The following NAALADL2 variants were observed in gnomAD, a reference collection of about 807,000 sequenced individuals.
NAALADL2 encodes N-acetylated alpha-linked acidic dipeptidase like 2, also known as inactive N-acetylated-alpha-linked acidic dipeptidase-like protein 2.
Under a neutral mutation model 87.2 loss-of-function variants are expected in NAALADL2, and 76 were observed. The ratio of observed to expected loss-of-function variants is 0.87; its 90% confidence interval spans 0.72 to 1.05. The LOEUF is 1.05. NAALADL2 is among the 50% of genes least tolerant of loss of function. NAALADL2 has a pLI of 0.00. For missense variants in NAALADL2, 1,089 were observed against 945.8 expected, an observed-to-expected ratio of 1.15 and a Z score of -1.99; for synonymous variants, 354 against 331.0, an observed-to-expected ratio of 1.07 and a Z score of -0.75.
chr3:174,956,538 G>A (rs76546777), intron 1 of NAALADL2, among the ~76,000 whole-genome samples: 14,098 of 152,122 alleles, frequency 0.093, 743 homozygotes, highest in Admixed American at 0.17. Context: ...GGTTTAGTGA[G>A]ATAAAGTTAA....
chr3:174,752,615 C>A (rs1034226039), intron 3 of NAALADL2, among the ~76,000 whole-genome samples: 27 of 151,224 alleles, frequency 1.8e-4, no homozygotes, highest in African/African-American at 6.6e-4. Flanking sequence ...AACCAGCTTT[C>A]AGTTTTCTTC....
chr3:175,797,066 C>T (rs552799462), intron 13 of NAALADL2, among the ~76,000 whole-genome samples: 4 of 151,792 alleles, frequency 2.6e-5, no homozygotes, highest in Non-Finnish European at 4.4e-5. Context: ...CTGAGTTTGG[C>T]GCTGTTCTTT....
At chr3:174,584,541 CT>C (rs1420412649) in intron 2 of NAALADL2, among the ~76,000 whole-genome samples, 1 of 152,020 alleles carries the variant, frequency 6.6e-6, no homozygotes, top group Non-Finnish European at 1.5e-5. Context: ...TCAAATGTTG[CT>C]TTTATGTGAA....
chr3:175,429,751 T>C (rs891685436), intron 5 of NAALADL2, among the ~76,000 whole-genome samples: 1 of 151,964 alleles, frequency 6.6e-6, no homozygotes, highest in Admixed American at 6.6e-5. Flanking sequence ...TATGGAATAC[T>C]ATGCAACATC....
chr3:175,116,125 C>G (rs947836802), intron 2 of NAALADL2, among the ~76,000 whole-genome samples: 1 of 152,004 alleles, frequency 6.6e-6, no homozygotes, highest in African/African-American at 2.4e-5. Flanking sequence ...CAGCCAATAT[C>G]ATACTGAATG....
chr3:175,290,491 G>A (rs952886113), intron 4 of NAALADL2, among the ~76,000 whole-genome samples: 1 of 152,124 alleles, frequency 6.6e-6, no homozygotes, highest in Non-Finnish European at 1.5e-5. Flanking sequence ...GGGAGTTGGG[G>A]GATGATGGAA....
intron 2 of NAALADL2, among the ~76,000 whole-genome samples, chr3:174,609,690 C>G (rs188383669): frequency 1.3e-5 from 2 of 152,234 alleles, no homozygotes; most frequent in Admixed American, 6.5e-5. Context: ...GAGGAACATT[C>G]CATTCTCATG....
chr3:174,907,547 C>CA (rs1300959338), intron 1 of NAALADL2, among the ~76,000 whole-genome samples: 1 of 151,988 alleles, frequency 6.6e-6, no homozygotes, highest in Non-Finnish European at 1.5e-5. Flanking sequence ...AGGAATGTTA[C>CA]AAAAAACATT....
intron 11 of NAALADL2, among the ~76,000 whole-genome samples, chr3:175,629,578 G>C (rs908625526): frequency 6.6e-6 from 1 of 151,514 alleles, no homozygotes; most frequent in Non-Finnish European, 1.5e-5. Flanking sequence ...GGGATAATTT[G>C]AGGCAATGTT....
intron 11 of NAALADL2, among the ~76,000 whole-genome samples, chr3:175,694,370 C>T (rs987209308): frequency 5.9e-5 from 9 of 151,996 alleles, no homozygotes; most frequent in African/African-American, 2.2e-4. Flanking sequence ...TTATTTCTAA[C>T]AATGAAAGCA....
intron 4 of NAALADL2, among the ~76,000 whole-genome samples, chr3:175,280,630 A>G (rs1056325870): frequency 2.0e-5 from 3 of 152,082 alleles, no homozygotes; most frequent in Non-Finnish European, 4.4e-5. Flanking sequence ...GAATCTTCCT[A>G]TGAGATGGAA....
chr3:175,081,715 T>C (rs1190921697), intron 1 of NAALADL2, among the ~76,000 whole-genome samples: 1 of 152,178 alleles, frequency 6.6e-6, no homozygotes, highest in Non-Finnish European at 1.5e-5. Context: ...CTCTTTAACC[T>C]AACCATTTCT....
intron 1 of NAALADL2, among the ~76,000 whole-genome samples, chr3:174,490,635 A>C (rs1261252103): frequency 6.6e-6 from 1 of 152,138 alleles, no homozygotes; most frequent in Non-Finnish European, 1.5e-5. Context: ...TATAGCTTTC[A>C]AAACAAATGG....
chr3:174,629,980 G>A (rs961549869), intron 2 of NAALADL2, among the ~76,000 whole-genome samples: 3 of 152,184 alleles, frequency 2.0e-5, no homozygotes, highest in East Asian at 1.9e-4. Context: ...GATGTCACTC[G>A]AAAACTTTCA....
chr3:175,602,466 A>ATATG (rs10680892), intron 10 of NAALADL2, among the ~76,000 whole-genome samples: 2,405 of 150,862 alleles, frequency 0.016, 56 homozygotes, highest in African/African-American at 0.054. Context: ...ATCTATATAT[A>ATATG]TAGAGAGAGA....
intron 1 of NAALADL2, among the ~76,000 whole-genome samples, chr3:174,480,104 G>A (rs111725366): frequency 3.7e-4 from 57 of 152,178 alleles, no homozygotes; most frequent in African/African-American, 1.2e-3. Context: ...CAGATTTAGG[G>A]TTTATTGTTT....
chr3:175,531,056 C>A (rs192147222), intron 9 of NAALADL2, among the ~76,000 whole-genome samples: 1 of 152,260 alleles, frequency 6.6e-6, no homozygotes, highest in East Asian at 1.9e-4. Flanking sequence ...TCCCTAACTA[C>A]CACTGATACC....
Position 175,753,773 on chromosome 3 carries a change from TAGAC to T in NAALADL2, c.1991-1443_1991-1440del, listed in dbSNP as rs1314931970. Among the ~76,000 whole-genome samples the T allele has an allele frequency of 1.1e-4, 17 of 152,284 alleles. No individual in the cohort carries two copies. In the South Asian group the frequency reaches 1.4e-3, roughly 13 times the overall value. ...GAACTGGTAACCCTTGGACTTTACTTAGACAGAGTCCTTTTGTGATGTTTCCCTT... is the reference window on the plus strand; with the variant it reads ...GAACTGGTAACCCTTGGACTTTACTTAGAGTCCTTTTGTGATGTTTCCCTT... On this transcript the variant is annotated intron_variant, in intron 12 of 13. Coordinates refer to ENST00000454872, the MANE Select transcript of NAALADL2 (RefSeq NM_207015.3).
chr3:175,717,082 T>A (rs931400127), intron 11 of NAALADL2, among the ~76,000 whole-genome samples: 9 of 152,146 alleles, frequency 5.9e-5, no homozygotes, highest in African/African-American at 2.2e-4. Flanking sequence ...AATACCCACT[T>A]AGGGATAAAA....
Sources: gnomAD v4.1 joint callset for allele counts (sites outside exome capture counted in the v4.1 genomes callset) on GRCh38, gnomAD v4.1.1 for gene constraint, MANE v1.5 for transcripts, NCBI Gene and HGNC (gene_info 2026-07-23, HGNC 2026-07-21) for gene names.